Variants in TEX10 observed in about 807,000 individuals in gnomAD.
The protein encoded by TEX10 is testis-expressed protein 10.
A neutral mutation model predicts 104.4 loss-of-function variants in TEX10; 24 were observed. The observed-to-expected ratio is 0.23, with a 90% CI of 0.17 to 0.32. The LOEUF (loss-of-function observed/expected upper bound fraction) is 0.32. Among genes scored for constraint, TEX10 ranks in the 10% least tolerant of loss-of-function variants. The pLI is 1.00. For synonymous variants in TEX10, 396 were observed against 393.4 expected (o/e 1.01, Z -0.08); for missense variants, 921 against 1,083.9 (o/e 0.85, Z 2.11).
At chr9:100,307,273 T>A (rs979763810) in intron 13 of TEX10, 1 of 152,238 alleles carries the variant, frequency 6.6e-6, no homozygotes, top group African/African-American at 2.4e-5. Flanking sequence ...TGGTAAGTAT[T>A]TGTAAATAGT....
chr9:100,343,732 C>T (rs1291892721), intron 4 of TEX10, among the ~76,000 whole-genome samples: 1 of 152,066 alleles, frequency 6.6e-6, no homozygotes, highest in Non-Finnish European at 1.5e-5. Context: ...TATATCTAAC[C>T]GAGACATCAA....
At position 100,329,230 on chromosome 9, in the gene TEX10, T is replaced by G; in HGVS notation, c.1535A>C (p.Gln512Pro). The change falls in exon 7 of 15, where the codon CAG (glutamine) becomes CCG (proline). Residue 512 changes from glutamine (Q) to proline (P), a missense_variant. Physicochemically the swap from Gln to Pro is moderately conservative, Grantham distance 76. Coordinates refer to ENST00000374902, the MANE Select transcript of TEX10 (RefSeq NM_017746.4). Reference sequence around the variant, plus strand: ...CCGAACTGGAAGGATAAGGCCCCTCTGCTGATATAATGTATAAACTGCCTT... The same window carrying G: ...CCGAACTGGAAGGATAAGGCCCCTCGGCTGATATAATGTATAAACTGCCTT... ...LIKAVYTLYQ[Q>P]RGLILPVRTL... The G allele has an allele frequency of 6.2e-7, 1 of 1,612,448 alleles. No individual in the cohort carries two copies. Among genetic ancestry groups the G allele is most frequent in the Non-Finnish European group, 8.5e-7 (1 of 1,179,574 alleles).
intron 5 of TEX10, among the ~76,000 whole-genome samples, chr9:100,338,738 A>C (rs1021734945): frequency 6.6e-6 from 1 of 152,116 alleles, no homozygotes; most frequent in Non-Finnish European, 1.5e-5. Context: ...CTAAAAATAC[A>C]AAAATTAGCC....
chr9:100,352,824 G>A lies in TEX10; in HGVS notation c.-62C>T, dbSNP rs528032392. 9.6e-7 allele frequency: 1 copy of A among 1,042,922 alleles called. No homozygotes were observed. The highest frequency in any genetic ancestry group is 9.1e-5 in the East Asian group (1 of 11,006). 64.6% of individuals were successfully genotyped at this position (1,042,922 alleles called of 1,614,324 possible). A position where few individuals can be genotyped will look rare whatever the true frequency, so the allele number is the denominator to read the frequency against. On this transcript the variant is annotated 5_prime_UTR_variant, in exon 1 of 15. Transcript: ENST00000374902. ...GAAGCCCGAGAAGACAAGCGAGGGA[G>A]CAGAAGCCCACGGGGCAACAGCGTG...
At chr9:100,336,627 G>A (rs1331244330) in intron 5 of TEX10, among the ~76,000 whole-genome samples, 1 of 152,132 alleles carries the variant, frequency 6.6e-6, no homozygotes, top group Non-Finnish European at 1.5e-5. Flanking sequence ...GTTTCATTAC[G>A]TATTACAATG....
Position 100,327,797 on chromosome 9 carries a change from G to C in TEX10, c.1791C>G (p.Leu597=), listed in dbSNP as rs1368130278. 2 of 1,562,752 alleles carry C rather than the reference G, an allele frequency of 1.3e-6. No homozygotes were observed. The highest frequency in any genetic ancestry group is 1.7e-6 in the Non-Finnish European group (2 of 1,147,488). The part of the protein sequence containing the change: ...ELLKSLQATA[L]RIYDPQEGAV... ...CAAATGAACTCTTACCATAAATTCG[G>C]AGGGCAGTAGCTTGTAAACTTTTTA... Residue 597 remains leucine (L), a synonymous_variant, in exon 8 of 15, where the codon CTC becomes CTG. Transcript: ENST00000374902.
chr9:100,333,058 G>T (rs956546363), intron 5 of TEX10, among the ~76,000 whole-genome samples: 1 of 152,022 alleles, frequency 6.6e-6, no homozygotes, highest in Non-Finnish European at 1.5e-5. Flanking sequence ...AGGCTGGAGT[G>T]CAGTGGCACG....
In TEX10 at chr9:100,352,576, C is replaced by G. The variant is rs536753980; in HGVS notation, c.-10+196G>C. 177 of 1,522,796 alleles carry G rather than the reference C, an allele frequency of 1.2e-4. 1 individual carries two copies. The East Asian group carries it at 3.0e-3, about 26-fold the overall frequency. The allele number at this position is 1,522,796 out of a possible 1,614,324, so 94.3% of individuals were successfully genotyped here. On this transcript the variant is annotated intron_variant, in intron 1 of 14. Transcript: ENST00000374902. Reference sequence around the variant, plus strand: ...AGTCACCTGAAGCTCCGCAAACGCCCTAGGGGGTCCCGCCCCCGCAGTGCC... The same window carrying G: ...AGTCACCTGAAGCTCCGCAAACGCCGTAGGGGGTCCCGCCCCCGCAGTGCC...
intron 4 of TEX10, among the ~76,000 whole-genome samples, chr9:100,343,360 A>G (rs1412935940): frequency 6.6e-6 from 1 of 151,482 alleles, no homozygotes; most frequent in Non-Finnish European, 1.5e-5. Flanking sequence ...AAAGAAAGAA[A>G]AGAAAAATAG....
Position 100,349,294 on chromosome 9 carries a change from T to C in TEX10, c.70A>G (p.Lys24Glu). Residue 24 changes from lysine to glutamate, a missense_variant, in exon 2 of 15, where the codon AAG becomes GAG. Lys to Glu is a moderately conservative substitution (Grantham distance 56, BLOSUM62 1). Around this residue, in one of 3 missense-constraint regions of TEX10, gnomAD observed 118 missense variants for 111.3 expected, o/e 1.06. Transcript: ENST00000374902. ...TTTGTAGGAGTAGCATTTTGTAACT[T>C]GGGCTTCTTTTTACCAACTTTCAAT... The part of the protein sequence containing the change: ...VKLKVGKKKP[K>E]LQNATPTNFK... 1 of 1,604,634 alleles carries C rather than the reference T, an allele frequency of 6.2e-7. No individual in the cohort carries two copies.
chr9:100,322,826 G>A (rs1290504279), intron 9 of TEX10, among the ~76,000 whole-genome samples: 3 of 152,122 alleles, frequency 2.0e-5, no homozygotes, highest in South Asian at 4.1e-4. Flanking sequence ...ATGTTGACCA[G>A]GCTGGTCTCA....
At chr9:100,347,987 A>C (rs1024454457) in intron 2 of TEX10, among the ~76,000 whole-genome samples, 2 of 152,260 alleles carry the variant, frequency 1.3e-5, no homozygotes, top group African/African-American at 4.8e-5. Flanking sequence ...CATAAGAGCC[A>C]AAAACCAGAA....
In TEX10 at chr9:100,347,163, T is replaced by C. The variant is rs769254206; in HGVS notation, c.424A>G (p.Ser142Gly). The change falls in exon 3 of 15, where the codon AGT becomes GGT. Residue 142 changes from serine to glycine, a missense_variant. Ser to Gly is a moderately conservative substitution (Grantham distance 56). Coordinates refer to ENST00000374902, the MANE Select transcript of TEX10 (RefSeq NM_017746.4). Reference protein sequence around the residue: ...EQISPFFPLVSAHLSSAMTHI... With the variant: ...EQISPFFPLVGAHLSSAMTHI... ...GTCATGGCACTAGAGAGATGGGCAC[T>C]TACCAAAGGAAAAAATGGAGAAATT... 4 of 1,613,954 alleles carry C rather than the reference T, an allele frequency of 2.5e-6. No individual in the cohort carries two copies. Among genetic ancestry groups the C allele is most frequent in the African/African-American group, 2.7e-5 (2 of 74,914 alleles).
chr9:100,322,587 C>A (rs58254869), intron 9 of TEX10, among the ~76,000 whole-genome samples: 197 of 151,972 alleles, frequency 1.3e-3, no homozygotes, highest in African/African-American at 4.6e-3. Context: ...AATTTTTTTA[C>A]TGTTATAATA....
rs1327155171 is a variant in TEX10, at chr9:100,352,878, G to C, written c.-116C>G. On this transcript the variant is annotated 5_prime_UTR_variant, in exon 1 of 15. Coordinates refer to ENST00000374902, the MANE Select transcript of TEX10 (RefSeq NM_017746.4). Reference sequence around the variant, plus strand: ...CGCCGACCTCAGGCTCTAGCTCCCGGAGCGTGTTTTCAAATAGCCTCGTCC... The same window carrying C: ...CGCCGACCTCAGGCTCTAGCTCCCGCAGCGTGTTTTCAAATAGCCTCGTCC... The C allele has an allele frequency of 4.0e-6, 4 of 997,748 alleles. No homozygotes were observed. The African/African-American group carries it at 5.2e-5, about 13-fold the overall frequency. 61.8% of individuals were successfully genotyped at this position (997,748 alleles called of 1,614,324 possible).
In TEX10 at chr9:100,352,857, G is replaced by A. The variant is rs905740280; in HGVS notation, c.-95C>T. Reference sequence around the variant, plus strand: ...CCACGGGGCAACAGCGTGCGCCGCCGACCTCAGGCTCTAGCTCCCGGAGCG... The same window carrying A: ...CCACGGGGCAACAGCGTGCGCCGCCAACCTCAGGCTCTAGCTCCCGGAGCG... On this transcript the variant is annotated 5_prime_UTR_variant, in exon 1 of 15. Coordinates refer to ENST00000374902, the MANE Select transcript of TEX10 (RefSeq NM_017746.4). 9.9e-6 allele frequency: 10 copies of A among 1,008,180 alleles called. No individual in the cohort carries two copies. Among genetic ancestry groups the A allele is most frequent in the South Asian group, 4.4e-5 (1 of 22,870 alleles). The allele number at this position is 1,008,180 out of a possible 1,614,324, so 62.5% of individuals were successfully genotyped here.
At chr9:100,336,378 C>A (rs187510637) in intron 5 of TEX10, among the ~76,000 whole-genome samples, 1 of 152,268 alleles carries the variant, frequency 6.6e-6, no homozygotes, top group Admixed American at 6.5e-5. Context: ...CTCCCCATTG[C>A]TCACATTACT....
chr9:100,348,909 C>CAAAA (rs1337824505), intron 2 of TEX10, among the ~76,000 whole-genome samples: 28 of 152,142 alleles, frequency 1.8e-4, no homozygotes, highest in South Asian at 8.3e-4. Context: ...AGACCTGTCT[C>CAAAA]AAAATAAATA....
At chr9:100,352,511 G>C (rs1930244) in intron 1 of TEX10, 1,270,442 of 1,551,058 alleles carry the variant, frequency 0.82, 522,650 homozygotes, top group African/African-American at 0.96. Flanking sequence ...CACACTCCGG[G>C]CTAAAACTCT....
Sources: gnomAD v4.1 joint callset for allele counts (sites outside exome capture counted in the v4.1 genomes callset) on GRCh38, gnomAD v4.1.1 for gene constraint, gnomAD v4.1.1 regional missense constraint, MANE v1.5 for transcripts, NCBI Gene and HGNC (gene_info 2026-07-23, HGNC 2026-07-21) for gene names.